AKR1C8: variants seen among roughly 807,000 people sequenced by gnomAD.
AKR1C8 encodes aldo-keto reductase family 1 member C-like protein 1.
At chr10:5,141,659 T>C in the AKR1C8 span, among the ~76,000 whole-genome samples, 2 of 152,188 alleles carry the variant, frequency 1.3e-5, no homozygotes, top group Non-Finnish European at 2.9e-5. Context: ...TTTTGGTACC[T>C]CTGCATTAGA....
At chr10:5,134,137 C>A in the AKR1C8 span, among the ~76,000 whole-genome samples, 3 of 152,140 alleles carry the variant, frequency 2.0e-5, no homozygotes, top group East Asian at 1.9e-4. Flanking sequence ...TTAAAAGGAA[C>A]TAGATGCCAG....
the AKR1C8 span, among the ~76,000 whole-genome samples, chr10:5,138,906 A>G: frequency 6.6e-6 from 1 of 152,156 alleles, no homozygotes; most frequent in East Asian, 1.9e-4. Flanking sequence ...ATATCTAGAA[A>G]ACCCCAACAT....
chr10:5,131,103 T>C, the AKR1C8 span, among the ~76,000 whole-genome samples: 2 of 152,054 alleles, frequency 1.3e-5, no homozygotes, highest in Admixed American at 6.6e-5. Flanking sequence ...ATTCAATAAA[T>C]GGTGCTGGGA....
the AKR1C8 span, among the ~76,000 whole-genome samples, chr10:5,176,343 G>T: frequency 7.2e-6 from 1 of 139,486 alleles, no homozygotes; most frequent in East Asian, 2.0e-4. Context: ...CTATATCTCT[G>T]TTTTGGTACC....
the AKR1C8 span, among the ~76,000 whole-genome samples, chr10:5,125,208 CT>C: frequency 6.6e-6 from 1 of 151,740 alleles, no homozygotes; most frequent in African/African-American, 2.4e-5. Context: ...TTTTTTTCAT[CT>C]GCTGTTTATG....
the AKR1C8 span, among the ~76,000 whole-genome samples, chr10:5,127,452 C>G: frequency 6.6e-6 from 1 of 152,090 alleles, no homozygotes; most frequent in Admixed American, 6.6e-5. Context: ...GGATGGGTGG[C>G]TCACACCTGT....
At chr10:5,122,807 A>C in the AKR1C8 span, among the ~76,000 whole-genome samples, 1 of 152,176 alleles carries the variant, frequency 6.6e-6, no homozygotes, top group Non-Finnish European at 1.5e-5. Context: ...TATTAGTATA[A>C]TTATGGTGTT....
chr10:5,158,476 G>A, the AKR1C8 span: 1,259 of 373,512 alleles, frequency 3.4e-3, 5 homozygotes, highest in Non-Finnish European at 5.2e-3. Flanking sequence ...AAACTACACC[G>A]TTGCTTTTCG....
the AKR1C8 span, among the ~76,000 whole-genome samples, chr10:5,167,324 C>T: frequency 6.6e-6 from 1 of 152,172 alleles, no homozygotes; most frequent in Non-Finnish European, 1.5e-5. Context: ...GCTATAAAGA[C>T]ACATGCACAC....
the AKR1C8 span, among the ~76,000 whole-genome samples, chr10:5,136,071 C>G: frequency 1.3e-5 from 2 of 152,082 alleles, no homozygotes; most frequent in African/African-American, 4.8e-5. Flanking sequence ...GTATTTGTAT[C>G]TTTCACATAG....
the AKR1C8 span, chr10:5,155,710 G>A: frequency 1.9e-5 from 9 of 475,812 alleles, 1 homozygote; most frequent in African/African-American, 7.9e-5. Context: ...TTCTGTTGAG[G>A]CCATCAATGG....
At chr10:5,177,829 C>T in the AKR1C8 span, among the ~76,000 whole-genome samples, 2 of 152,002 alleles carry the variant, frequency 1.3e-5, no homozygotes, top group South Asian at 2.1e-4. Flanking sequence ...GGTGATATCC[C>T]CTTTATCATT....
chr10:5,162,807 C>T, the AKR1C8 span: 1 of 466,628 alleles, frequency 2.1e-6, no homozygotes. Context: ...AATAATATAT[C>T]TGAACTTATA....
chr10:5,149,292 TCAAAGA>T, the AKR1C8 span, among the ~76,000 whole-genome samples: 1 of 152,242 alleles, frequency 6.6e-6, no homozygotes, highest in East Asian at 1.9e-4. Context: ...CTAGATTTTA[TCAAAGA>T]CAAATAATGA....
chr10:5,118,145 C>T, the AKR1C8 span, among the ~76,000 whole-genome samples: 1 of 152,072 alleles, frequency 6.6e-6, no homozygotes, highest in African/African-American at 2.4e-5. Context: ...CCTATGAAGT[C>T]AAAAATAAGT....
the AKR1C8 span, among the ~76,000 whole-genome samples, chr10:5,131,287 A>T: frequency 6.6e-6 from 1 of 152,132 alleles, no homozygotes; most frequent in Non-Finnish European, 1.5e-5. Context: ...TTTATCTCTA[A>T]GACCCCCAAA....
the AKR1C8 span, among the ~76,000 whole-genome samples, chr10:5,138,522 C>A: frequency 2.0e-5 from 3 of 152,084 alleles, no homozygotes; most frequent in Admixed American, 6.6e-5. Context: ...TTCAAACACA[C>A]AAGTTTTACA....
At chr10:5,132,392 T>G in the AKR1C8 span, among the ~76,000 whole-genome samples, 78 of 152,296 alleles carry the variant, frequency 5.1e-4, no homozygotes, top group Middle Eastern at 3.4e-3. Flanking sequence ...AAAAGTAAAG[T>G]GATTTTCAAG....
At chr10:5,176,209 TC>T in the AKR1C8 span, among the ~76,000 whole-genome samples, 1 of 146,236 alleles carries the variant, frequency 6.8e-6, no homozygotes, top group African/African-American at 2.5e-5. Context: ...TAGCCAGTTT[TC>T]CCAGCACCAT....
Sources: allele counts gnomAD v4.1 joint callset (sites outside exome capture counted in the v4.1 genomes callset), GRCh38; gene constraint gnomAD v4.1.1; transcripts MANE v1.5; gene names NCBI Gene and HGNC (gene_info 2026-07-23, HGNC 2026-07-21).